Variants in DMD observed in about 807,000 individuals in gnomAD.
The protein encoded by DMD is mutant dystrophin.
Under a neutral mutation model 330.1 loss-of-function variants are expected in DMD, and 63 were observed. That is an observed-to-expected ratio of 0.19 (90% CI 0.16 to 0.24). The LOEUF is 0.24. DMD is among the 10% of genes least tolerant of loss of function. DMD has a pLI of 1.00. For synonymous variants in DMD, 1,223 were observed against 959.8 expected, an observed-to-expected ratio of 1.27 and a Z score of -5.07; for missense variants, 3,344 against 2,684.1, an observed-to-expected ratio of 1.25 and a Z score of -5.43.
At chrX:31,522,325 T>TTCTCTCTCTCTCTCTCTCTCTCTCTCTC (rs1193302041) in intron 55 of DMD, among the ~76,000 whole-genome samples, 2 of 51,335 alleles carry the variant, frequency 3.9e-5, no homozygotes. Context: ...AGATCAAAAT[T>TTCTCTCTCTCTCTCTCTCTCTCTCTCTC]TCTCTCTCTC....
chrX:32,394,916 C>CAAAACAAAACAAAAAAAAA (rs2098030291), intron 30 of DMD, among the ~76,000 whole-genome samples: 1 of 39,034 alleles, frequency 2.6e-5, no homozygotes, highest in African/African-American at 7.9e-5. Flanking sequence ...AACAAAAAAA[C>CAAAACAAAACAAAAAAAAA]AAAAAAAAAA....
chrX:31,129,011 C>A (rs947686299), intron 77 of DMD, among the ~76,000 whole-genome samples: 3 of 110,322 alleles, frequency 2.7e-5, no homozygotes. Flanking sequence ...TTTCTGTAGA[C>A]CTTCAGTTAC....
chrX:33,065,373 T>C (rs186621742), intron 1 of DMD, among the ~76,000 whole-genome samples: 1 of 112,689 alleles, frequency 8.9e-6, no homozygotes, highest in East Asian at 2.8e-4. Flanking sequence ...GTAGAGTTCT[T>C]CACTTTCAAA....
rs749795601 is a variant in DMD at position 33,192,219 on chromosome X, T to C, written c.31+19063A>G. On this transcript the variant is annotated intron_variant, in intron 1 of 78. Transcript: ENST00000357033. Reference sequence around the variant, plus strand: ...ACCCTTTTGTGTAAAAGAAGATTCTTGATCTTCAAAGCATAACAGTCATGT... The same window carrying C: ...ACCCTTTTGTGTAAAAGAAGATTCTCGATCTTCAAAGCATAACAGTCATGT... 2.7e-5 allele frequency among the ~76,000 whole-genome samples: 3 copies of C among 112,029 alleles called. No homozygotes were observed. In the Admixed American group the frequency reaches 2.9e-4, roughly 11 times the overall value.
chrX:33,140,693 C>T (rs1287122962), intron 1 of DMD, among the ~76,000 whole-genome samples: 2 of 112,183 alleles, frequency 1.8e-5, no homozygotes, highest in African/African-American at 6.5e-5. Context: ...GGGATAAACA[C>T]CCAGGACTTC....
rs1954023474 is a variant in DMD at position 31,432,579 on chromosome X, C to T, written c.9084+11902G>A. On this transcript the variant is annotated intron_variant, in intron 60 of 78. Coordinates refer to ENST00000357033, the MANE Select transcript of DMD (RefSeq NM_004006.3). ...ACAGGTGGGATTTGGATAAGTAGTT[C>T]CTTTAAAAAATGTCTTCGAATATTG... Among the ~76,000 whole-genome samples, 3 of 111,836 alleles carry T rather than the reference C, an allele frequency of 2.7e-5. No individual in the cohort carries two copies. In the South Asian group the frequency reaches 1.1e-3, roughly 41 times the overall value.
chrX:32,959,031 TATA>T (rs1027175430), intron 2 of DMD, among the ~76,000 whole-genome samples: 17 of 112,068 alleles, frequency 1.5e-4, no homozygotes, highest in African/African-American at 4.5e-4. Context: ...ATACAATATT[TATA>T]ATAAGTTATT....
Position 32,488,729 on chromosome X carries a change from T to A in DMD, c.2622+2548A>T, listed in dbSNP as rs1355453781. Among the ~76,000 whole-genome samples the A allele has an allele frequency of 4.5e-5, 5 of 111,282 alleles. No homozygotes were observed. In the Admixed American group the frequency reaches 4.8e-4, roughly 11 times the overall value. ...CAACCTCCAGACAATATTTAATATA[T>A]AAAACCTCTGGTGATCTCCATTTGT... On this transcript the variant is annotated intron_variant, in intron 20 of 78. Transcript: ENST00000357033.
chrX:31,616,464 G>C (rs758460741), intron 55 of DMD, among the ~76,000 whole-genome samples: 7 of 111,624 alleles, frequency 6.3e-5, no homozygotes, highest in Non-Finnish European at 9.4e-5. Context: ...GAGACTCAGG[G>C]GCAATTGTGG....
At chrX:32,812,085 A>G (rs2077407644) in intron 6 of DMD, among the ~76,000 whole-genome samples, 1 of 111,272 alleles carries the variant, frequency 9.0e-6, no homozygotes, top group Non-Finnish European at 1.9e-5. Flanking sequence ...ACTGGAAGTC[A>G]TTAGTCAAGT....
chrX:31,181,954 G>C (rs1186783877), intron 68 of DMD, among the ~76,000 whole-genome samples: 1 of 111,903 alleles, frequency 8.9e-6, no homozygotes, highest in Admixed American at 9.4e-5. Flanking sequence ...TAGGATTAAT[G>C]TTAAGTGAGA....
At chrX:31,642,597 C>T (rs1397431121) in intron 54 of DMD, among the ~76,000 whole-genome samples, 2 of 111,810 alleles carry the variant, frequency 1.8e-5, no homozygotes, top group Non-Finnish European at 3.8e-5. Context: ...ACAATTTGGT[C>T]ATTTCCTTAT....
chrX:31,689,695 C>A (rs956593309), intron 52 of DMD, among the ~76,000 whole-genome samples: 9 of 111,404 alleles, frequency 8.1e-5, no homozygotes, highest in Non-Finnish European at 1.3e-4. Context: ...AAGCTGGAGG[C>A]ATCACGCTAC....
intron 1 of DMD, among the ~76,000 whole-genome samples, chrX:33,248,191 G>A (rs1465402126): frequency 9.1e-6 from 1 of 109,907 alleles, no homozygotes; most frequent in Non-Finnish European, 1.9e-5. Flanking sequence ...ACAGGCACCC[G>A]CCACCACGCC....
intron 44 of DMD, among the ~76,000 whole-genome samples, chrX:32,145,897 T>C (rs1408552236): frequency 1.8e-5 from 2 of 112,150 alleles, no homozygotes; most frequent in Non-Finnish European, 3.8e-5. Flanking sequence ...GGTAGGATTA[T>C]AGGAGCAAGA....
chrX:33,013,926 C>T (rs2093751199), intron 2 of DMD, among the ~76,000 whole-genome samples: 1 of 112,144 alleles, frequency 8.9e-6, no homozygotes, highest in African/African-American at 3.2e-5. Context: ...TGAATAAATG[C>T]TCTGTTTTCC....
chrX:32,787,045 A>G (rs748624721), intron 7 of DMD, among the ~76,000 whole-genome samples: 11 of 111,466 alleles, frequency 9.9e-5, no homozygotes, highest in Non-Finnish European at 1.9e-4. Flanking sequence ...ACGATGTCAT[A>G]TGACGTAATG....
intron 43 of DMD, among the ~76,000 whole-genome samples, chrX:32,230,276 G>A (rs185025944): frequency 3.0e-4 from 34 of 112,079 alleles, no homozygotes; most frequent in Middle Eastern, 4.6e-3. Context: ...ACGGAGTCTC[G>A]CTCTGTCAAC....
At chrX:31,652,644 T>C (rs887554095) in intron 54 of DMD, among the ~76,000 whole-genome samples, 1 of 111,706 alleles carries the variant, frequency 9.0e-6, no homozygotes, top group Non-Finnish European at 1.9e-5. Context: ...CCAAGGAGGA[T>C]AAAGTTTTGA....
Sources: gnomAD v4.1 joint callset for allele counts (sites outside exome capture counted in the v4.1 genomes callset) on GRCh38, gnomAD v4.1.1 for gene constraint, MANE v1.5 for transcripts, NCBI Gene and HGNC (gene_info 2026-07-23, HGNC 2026-07-21) for gene names.